The following PCDHA1 variants were observed in gnomAD, a reference collection of about 807,000 sequenced individuals.
PCDHA1 encodes the protein protocadherin alpha 1, also known as protocadherin alpha-1.
PCDHA1 carries 42 observed loss-of-function variants against 61.3 expected under a neutral mutation model. That is an observed-to-expected ratio of 0.69 (90% CI 0.54 to 0.89). PCDHA1 has a LOEUF of 0.89. PCDHA1 is among the 40% of genes least tolerant of loss of function. The pLI, the probability that PCDHA1 is intolerant of heterozygous loss-of-function variation, is 0.00. For missense variants in PCDHA1, 1,256 were observed against 1,235.3 expected (o/e 1.02, Z -0.25); for synonymous variants, 610 against 553.8 (o/e 1.10, Z -1.43).
Position 140,823,093 on chromosome 5 carries a change from G to T in PCDHA1, c.2394+34409G>T, listed in dbSNP as rs147205231. The T allele has an allele frequency of 4.2e-5, 68 of 1,613,940 alleles. No homozygotes were observed. Among genetic ancestry groups the T allele is most frequent in the African/African-American group, 1.9e-4 (14 of 74,948 alleles). On this transcript the variant is annotated intron_variant, in intron 1 of 3. Coordinates refer to ENST00000504120, the MANE Select transcript of PCDHA1 (RefSeq NM_018900.4). ...GCCTTCGCTGTGGGCCACCGCCAGCGTGTCTGTGGAAGTGGCCGACGTGAA... is the reference window on the plus strand; with the variant it reads ...GCCTTCGCTGTGGGCCACCGCCAGCTTGTCTGTGGAAGTGGCCGACGTGAA...
intron 1 of PCDHA1, chr5:140,967,726 TG>T: frequency 6.2e-7 from 1 of 1,613,974 alleles, no homozygotes; most frequent in Non-Finnish European, 8.5e-7. Flanking sequence ...TGCGAGTAAT[TG>T]GGGGGCTGGA....
At chr5:140,999,892 G>A (rs1329841334) in intron 3 of PCDHA1, among the ~76,000 whole-genome samples, 1 of 152,134 alleles carries the variant, frequency 6.6e-6, no homozygotes, top group Non-Finnish European at 1.5e-5. Context: ...GCTGTAGCTT[G>A]GGACACCAAA....
At chr5:140,821,679 C>T (rs2150110054) in intron 1 of PCDHA1, 709,926 of 1,321,150 alleles carry the variant, frequency 0.54, 193,036 homozygotes, top group African/African-American at 0.73. Flanking sequence ...CTCAGAAAGG[C>T]GATAATATAA....
At chr5:140,948,447 A>G (rs2094256090) in intron 1 of PCDHA1, among the ~76,000 whole-genome samples, 1 of 151,282 alleles carries the variant, frequency 6.6e-6, no homozygotes, top group Non-Finnish European at 1.5e-5. Flanking sequence ...TGTGCCAGGG[A>G]TTTTCTTTTA....
At chr5:140,794,758 A>G in intron 1 of PCDHA1, 2 of 560,422 alleles carry the variant, frequency 3.6e-6, no homozygotes, top group South Asian at 3.4e-5. Flanking sequence ...TTAAATCTAC[A>G]GAATAAACAG....
intron 1 of PCDHA1, among the ~76,000 whole-genome samples, chr5:140,937,247 C>T (rs1370735573): frequency 6.6e-6 from 1 of 151,974 alleles, no homozygotes; most frequent in Non-Finnish European, 1.5e-5. Context: ...CCGTGTTAGC[C>T]AGGATGGTCT....
chr5:140,794,706 A>G (rs782696889), intron 1 of PCDHA1: 107 of 448,510 alleles, frequency 2.4e-4, no homozygotes, highest in Admixed American at 7.4e-4. Flanking sequence ...TTTTTCCAAG[A>G]TGAAAGCTAT....
intron 1 of PCDHA1, among the ~76,000 whole-genome samples, chr5:140,905,749 C>T (rs1442006265): frequency 6.6e-6 from 1 of 152,162 alleles, no homozygotes; most frequent in Non-Finnish European, 1.5e-5. Flanking sequence ...AGATCTTTCA[C>T]CTCCTTGGTT....
chr5:140,933,359 C>G (rs2089088301), intron 1 of PCDHA1, among the ~76,000 whole-genome samples: 1 of 151,832 alleles, frequency 6.6e-6, no homozygotes, highest in Non-Finnish European at 1.5e-5. Context: ...TATTTCTAAC[C>G]CATCCCAAAT....
intron 1 of PCDHA1, among the ~76,000 whole-genome samples, chr5:140,901,810 T>C (rs2068911855): frequency 6.6e-6 from 1 of 152,336 alleles, no homozygotes; most frequent in African/African-American, 2.4e-5. Flanking sequence ...ATTTTTACAA[T>C]ATTGATTCTT....
intron 1 of PCDHA1, among the ~76,000 whole-genome samples, chr5:140,912,519 T>G (rs770184717): frequency 6.6e-6 from 1 of 152,164 alleles, no homozygotes. Context: ...TCTTTAGGGT[T>G]TTCAGAGTAC....
At chr5:140,948,305 T>C (rs1554218512) in intron 1 of PCDHA1, among the ~76,000 whole-genome samples, 1 of 151,622 alleles carries the variant, frequency 6.6e-6, no homozygotes, top group African/African-American at 2.4e-5. Context: ...ATATCTTTTC[T>C]TCTTGAGGGG....
At chr5:140,805,101 C>G (rs1562199500) in intron 1 of PCDHA1, 2 of 1,592,070 alleles carry the variant, frequency 1.3e-6, no homozygotes, top group Non-Finnish European at 1.7e-6. Context: ...CCTCTTGAAA[C>G]TATTGTCTAA....
intron 1 of PCDHA1, chr5:140,796,814 G>C: frequency 6.2e-7 from 1 of 1,614,150 alleles, no homozygotes; most frequent in Non-Finnish European, 8.5e-7. Context: ...GGTACTGGCA[G>C]CGCTCGCATC....
At chr5:140,800,167 A>T (rs1762516998) in intron 1 of PCDHA1, among the ~76,000 whole-genome samples, 2 of 152,170 alleles carry the variant, frequency 1.3e-5, no homozygotes, top group Non-Finnish European at 2.9e-5. Flanking sequence ...TCAAATACAT[A>T]AAGAGTGTGG....
At chr5:140,898,818 A>G (rs2066994592) in intron 1 of PCDHA1, among the ~76,000 whole-genome samples, 1 of 152,216 alleles carries the variant, frequency 6.6e-6, no homozygotes, top group Admixed American at 6.5e-5. Flanking sequence ...CTTCCTACCC[A>G]TGAGCATGGA....
chr5:140,794,340 A>G (rs1370084228), intron 1 of PCDHA1, among the ~76,000 whole-genome samples: 1 of 152,250 alleles, frequency 6.6e-6, no homozygotes, highest in Non-Finnish European at 1.5e-5. Flanking sequence ...ATGCTACAAC[A>G]TGGATGAACC....
At position 140,808,713 on chromosome 5, in the gene PCDHA1, C is replaced by T. The variant is rs538251882; in HGVS notation, c.2394+20029C>T. 1.7e-5 allele frequency: 28 copies of T among 1,612,214 alleles called. No homozygotes were observed. In the South Asian group the frequency reaches 1.9e-4, roughly 11 times the overall value. Reference sequence around the variant, plus strand: ...GAGCGCGCGCTGTCGAGCTACGTTTCGGTGCATGCGGAGAGCGGCAAGGTG... The same window carrying T: ...GAGCGCGCGCTGTCGAGCTACGTTTTGGTGCATGCGGAGAGCGGCAAGGTG... On this transcript the variant is annotated intron_variant, in intron 1 of 3. Transcript: ENST00000504120.
chr5:140,938,928 T>G (rs1220764640), intron 1 of PCDHA1, among the ~76,000 whole-genome samples: 2 of 152,104 alleles, frequency 1.3e-5, no homozygotes, highest in African/African-American at 4.8e-5. Flanking sequence ...AAATTGGCTT[T>G]TAACTTTCCA....
Sources: allele counts gnomAD v4.1 joint callset (sites outside exome capture counted in the v4.1 genomes callset), GRCh38; gene constraint gnomAD v4.1.1; transcripts MANE v1.5; gene names NCBI Gene and HGNC (gene_info 2026-07-23, HGNC 2026-07-21).